Variants in TBC1D32 observed in about 807,000 individuals in gnomAD.
TBC1D32 encodes TBC1 domain family member 32.
In TBC1D32, 151 loss-of-function variants were observed where a neutral mutation model predicts 170.3. The ratio of observed to expected loss-of-function variants is 0.89; its 90% CI spans 0.78 to 1.01. The LOEUF (loss-of-function observed/expected upper bound fraction) is 1.01, where lower values mean the gene tolerates loss of function less well. Ranked by LOEUF, TBC1D32 falls within the 50% of genes least tolerant of loss-of-function variation. The probability of loss-of-function intolerance (pLI) is 0.00; values close to 1 mark genes in which losing one functional copy is unlikely to be tolerated. For missense variants in TBC1D32, 1,464 were observed against 1,457.1 expected, an observed-to-expected ratio of 1.00 and a Z score of -0.08; for synonymous variants, 498 against 488.0, an observed-to-expected ratio of 1.02 and a Z score of -0.27.
chr6:121,173,515 C>T (rs561110857), intron 22 of TBC1D32, among the ~76,000 whole-genome samples: 2 of 151,604 alleles, frequency 1.3e-5, no homozygotes, highest in South Asian at 2.1e-4. Context: ...AGGAGTATAA[C>T]CCAAGAGGCA....
chr6:121,182,218 T>C (rs1788615497), intron 22 of TBC1D32, among the ~76,000 whole-genome samples: 1 of 152,030 alleles, frequency 6.6e-6, no homozygotes, highest in African/African-American at 2.4e-5. Context: ...AAATTCTCTG[T>C]TTACTTGATT....
Position 121,283,797 on chromosome 6 carries a change from T to C in TBC1D32, c.1465+21A>G. 1.9e-6 allele frequency: 3 copies of C among 1,539,552 alleles called. 1 individual carries two copies. Among genetic ancestry groups the C allele is most frequent in the Non-Finnish European group, 2.7e-6 (3 of 1,119,368 alleles). ...TTTTAGATGTTTTATATTTCTCTATTTAAAATAGAAACAGAATTACCTGAA... is the reference window on the plus strand; with the variant it reads ...TTTTAGATGTTTTATATTTCTCTATCTAAAATAGAAACAGAATTACCTGAA... On this transcript the variant is annotated intron_variant, in intron 13 of 31. Transcript: ENST00000398212.
intron 4 of TBC1D32, among the ~76,000 whole-genome samples, chr6:121,310,575 CACG>C (rs1326012575): frequency 6.6e-6 from 1 of 152,070 alleles, no homozygotes; most frequent in Non-Finnish European, 1.5e-5. Flanking sequence ...TCTTCCAAAC[CACG>C]ACAATTCTCT....
rs868284538 is a variant in TBC1D32, at chr6:121,308,686, C to T, written c.565-585G>A. The stretch of plus-strand genomic sequence containing the variant: ...CTGTATTTTCACAGAAAGCTTACTT[C>T]TTTTTTTTTTTTTTTTTTTTGAGAC... On this transcript the variant is annotated intron_variant, in intron 4 of 31. Transcript: ENST00000398212. Among the ~76,000 whole-genome samples the T allele has an allele frequency of 2.1e-4, 24 of 112,504 alleles. No individual in the cohort carries two copies. The East Asian group carries it at 2.5e-3, about 12-fold the overall frequency. 73.8% of individuals were successfully genotyped at this position (112,504 alleles called of 152,430 possible).
intron 24 of TBC1D32, among the ~76,000 whole-genome samples, chr6:121,144,266 T>G (rs1414404144): frequency 1.3e-5 from 2 of 152,170 alleles, no homozygotes; most frequent in African/African-American, 4.8e-5. Context: ...TGTTAGGCCT[T>G]GTAAGCTACA....
intron 25 of TBC1D32, among the ~76,000 whole-genome samples, chr6:121,127,801 C>G (rs1425919102): frequency 6.6e-6 from 1 of 152,104 alleles, no homozygotes; most frequent in Admixed American, 6.6e-5. Flanking sequence ...AAAGGTTATA[C>G]AGAAAGACAC....
chr6:121,283,779 T>C (rs984353419), intron 13 of TBC1D32, 39 bp downstream of exon 13: 1 of 1,418,348 alleles, frequency 7.1e-7, no homozygotes, highest in Non-Finnish European at 9.8e-7. Context: ...TATTTTTAGA[T>C]GTTTTATATT....
intron 22 of TBC1D32, among the ~76,000 whole-genome samples, chr6:121,185,876 T>C (rs906063417): frequency 6.6e-6 from 1 of 152,036 alleles, no homozygotes; most frequent in African/African-American, 2.4e-5. Context: ...TCATAGATAT[T>C]GGTGGAATGG....
intron 26 of TBC1D32, among the ~76,000 whole-genome samples, chr6:121,125,256 C>T (rs114355150): frequency 0.018 from 2,668 of 152,254 alleles, 81 homozygotes; most frequent in African/African-American, 0.061. Flanking sequence ...TAAGCCCAGG[C>T]TTGCTGCATG....
chr6:121,294,007 ATGT>A (rs1333821829), intron 11 of TBC1D32, among the ~76,000 whole-genome samples: 3 of 151,882 alleles, frequency 2.0e-5, no homozygotes, highest in Admixed American at 1.3e-4. Context: ...AGTAAAAATA[ATGT>A]TGTATAGGCA....
chr6:121,116,796 T>C (rs1779728237), intron 26 of TBC1D32, among the ~76,000 whole-genome samples: 2 of 152,198 alleles, frequency 1.3e-5, no homozygotes, highest in South Asian at 2.1e-4. Context: ...AGTTCTTACA[T>C]AGTGGTCTAG....
intron 16 of TBC1D32, 109 bp from the exon 17 acceptor site, chr6:121,255,519 T>TTTATAATTATATTTTATAATTATA (rs1798873692): frequency 1.4e-5 from 1 of 73,590 alleles, no homozygotes; most frequent in Non-Finnish European, 2.6e-5. Flanking sequence ...TATAATTATA[T>TTTATAATTATATTTTATAATTATA]TTTATATTTC....
rs184397142 is a variant in TBC1D32 at position 121,327,850 on chromosome 6, G to T, written c.156-6056C>A. ...TAAACATGTCCACAGACCAAATATG[G>T]TCTGCACAATGCTAGTCTGGCCTTT... On this transcript the variant is annotated intron_variant, in intron 1 of 31. Transcript: ENST00000398212. 1.4e-4 allele frequency among the ~76,000 whole-genome samples: 21 copies of T among 151,958 alleles called. No individual in the cohort carries two copies. The East Asian group carries it at 3.5e-3, about 25-fold the overall frequency.
chr6:121,105,503 C>A (rs575908003), intron 30 of TBC1D32, among the ~76,000 whole-genome samples: 1 of 151,922 alleles, frequency 6.6e-6, no homozygotes, highest in South Asian at 2.1e-4. Flanking sequence ...ACACCTCCAC[C>A]AACGAAGGAC....
At chr6:121,258,698 C>T (rs917519939) in intron 15 of TBC1D32, among the ~76,000 whole-genome samples, 2 of 152,086 alleles carry the variant, frequency 1.3e-5, no homozygotes, top group Non-Finnish European at 2.9e-5. Flanking sequence ...ATTCTATTAA[C>T]ATTCTTCTGT....
Position 121,164,565 on chromosome 6 carries a change from C to A in TBC1D32, c.2571-3509G>T, listed in dbSNP as rs1786154362. ...AAGAGCTCCTGAAGGAAGCGCTAAACCTGGAAAGGAACAACCGGTACCAGC... is the reference window on the plus strand; with the variant it reads ...AAGAGCTCCTGAAGGAAGCGCTAAAACTGGAAAGGAACAACCGGTACCAGC... On this transcript the variant is annotated intron_variant, in intron 22 of 31. Coordinates refer to ENST00000398212, the MANE Select transcript of TBC1D32 (RefSeq NM_152730.6). Among the ~76,000 whole-genome samples, 2 of 10,846 alleles carry A rather than the reference C, an allele frequency of 1.8e-4. 1 individual carries two copies. Among genetic ancestry groups the A allele is most frequent in the South Asian group, 7.1e-3 (2 of 282 alleles). 7.1% of individuals were successfully genotyped at this position (10,846 alleles called of 152,430 possible).
chr6:121,327,690 C>A (rs1454963670), intron 1 of TBC1D32, among the ~76,000 whole-genome samples: 1 of 152,148 alleles, frequency 6.6e-6, no homozygotes, highest in Non-Finnish European at 1.5e-5. Context: ...TATATAGTTC[C>A]AGCAACTGTC....
At chr6:121,105,451 T>A (rs1778582442) in intron 30 of TBC1D32, among the ~76,000 whole-genome samples, 1 of 151,944 alleles carries the variant, frequency 6.6e-6, no homozygotes, top group Non-Finnish European at 1.5e-5. Context: ...AACCCTACAA[T>A]ATTAATTTTA....
At position 121,115,163 on chromosome 6, in the gene TBC1D32, A is replaced by G. The variant is rs540841033; in HGVS notation, c.3053+9T>C. ...AAATGCACAAGGGAGCTATTTCCCTATAATATACCTGACAGTCATTTTAAT... is the reference window on the plus strand; with the variant it reads ...AAATGCACAAGGGAGCTATTTCCCTGTAATATACCTGACAGTCATTTTAAT... On this transcript the variant is annotated intron_variant, in intron 27 of 31. Coordinates refer to ENST00000398212, the MANE Select transcript of TBC1D32 (RefSeq NM_152730.6). 2 of 1,587,842 alleles carry G rather than the reference A, an allele frequency of 1.3e-6. No homozygotes were observed. The highest frequency in any genetic ancestry group is 4.5e-5 in the East Asian group (2 of 44,230).
Sources: allele counts gnomAD v4.1 joint callset (sites outside exome capture counted in the v4.1 genomes callset), GRCh38; gene constraint gnomAD v4.1.1; transcripts MANE v1.5; gene names NCBI Gene and HGNC (gene_info 2026-07-23, HGNC 2026-07-21).